The following KCNN2 variants were observed in gnomAD, a reference collection of about 807,000 sequenced individuals.
KCNN2 encodes the protein potassium calcium-activated channel subfamily N member 2.
In KCNN2, 24 loss-of-function variants were observed where a neutral mutation model predicts 55.5. That is an observed-to-expected ratio of 0.43 (90% CI 0.31 to 0.61). KCNN2 has a LOEUF of 0.61. Among genes scored for constraint, KCNN2 ranks in the 20% least tolerant of loss-of-function variants. KCNN2 has a pLI of 0.08. For missense variants in KCNN2, 754 were observed against 853.6 expected, an observed-to-expected ratio of 0.88 and a Z score of 1.45; for synonymous variants, 431 against 336.1, an observed-to-expected ratio of 1.28 and a Z score of -3.09.
chr5:114,295,177 C>G (rs989336624), intron 2 of KCNN2, among the ~76,000 whole-genome samples: 14 of 152,198 alleles, frequency 9.2e-5, no homozygotes, highest in Non-Finnish European at 1.9e-4. Context: ...GGCAGTCTGC[C>G]CATTCTCAGA....
chr5:114,139,473 C>T (rs11741901), intron 1 of KCNN2, among the ~76,000 whole-genome samples: 4 of 140,286 alleles, frequency 2.9e-5, no homozygotes, highest in African/African-American at 7.6e-5. Flanking sequence ...CCCCCACACA[C>T]ACACACCAGA....
Position 114,481,994 on chromosome 5 carries a change from T to C in KCNN2, c.1891-5056T>C, listed in dbSNP as rs186500749. Among the ~76,000 whole-genome samples, 216 of 152,112 alleles carry C rather than the reference T, an allele frequency of 1.4e-3. 1 individual carries two copies. Among genetic ancestry groups the C allele is most frequent in the African/African-American group, 4.9e-3 (203 of 41,510 alleles). ...ACGGGCAAAGATTTTATGACAGAAA[T>C]GCCAAAAGCAATTGCAACAAGCAAA... On this transcript the variant is annotated intron_variant, in intron 5 of 7. Transcript: ENST00000673685.
chr5:114,373,463 C>T (rs1411304530), intron 2 of KCNN2, among the ~76,000 whole-genome samples: 1 of 150,356 alleles, frequency 6.7e-6, no homozygotes, highest in Non-Finnish European at 1.5e-5. Flanking sequence ...ATAGGACTCT[C>T]CTTTGTGTTG....
chr5:114,490,643 GTTTCT>G (rs1747800644), intron 6 of KCNN2: 2 of 397,952 alleles, frequency 5.0e-6, no homozygotes, highest in Non-Finnish European at 8.9e-6. Context: ...ATATTTTACA[GTTTCT>G]TTTCTTTTGT....
chr5:114,144,038 G>A (rs912839415), intron 1 of KCNN2, among the ~76,000 whole-genome samples: 1 of 152,154 alleles, frequency 6.6e-6, no homozygotes, highest in African/African-American at 2.4e-5. Flanking sequence ...CAGATATACT[G>A]TCTAAAACTT....
At chr5:114,401,640 C>A (rs1003381892) in intron 2 of KCNN2, among the ~76,000 whole-genome samples, 2 of 152,100 alleles carry the variant, frequency 1.3e-5, no homozygotes, top group African/African-American at 4.8e-5. Flanking sequence ...GAGGGAGTTT[C>A]CAGATTTTTA....
intron 2 of KCNN2, among the ~76,000 whole-genome samples, chr5:114,375,974 A>ATATATATATATATATG (rs1757920729): frequency 2.2e-5 from 3 of 139,238 alleles, no homozygotes; most frequent in Non-Finnish European, 3.2e-5. Context: ...ATATATATAT[A>ATATATATATATATATG]TATGTATTTT....
intron 3 of KCNN2, among the ~76,000 whole-genome samples, chr5:114,444,689 C>T (rs149285339): frequency 5.3e-5 from 8 of 152,136 alleles, no homozygotes; most frequent in Non-Finnish European, 8.8e-5. Context: ...TCTTAACAGA[C>T]GAAAGGAATA....
intron 2 of KCNN2, among the ~76,000 whole-genome samples, chr5:114,288,747 A>T (rs915923883): frequency 6.6e-5 from 10 of 152,120 alleles, no homozygotes; most frequent in African/African-American, 1.7e-4. Flanking sequence ...AAGTATCTTT[A>T]TATTCTAGAG....
chr5:114,221,558 C>G (rs1465850665), exon 2 of KCNN2, among the ~76,000 whole-genome samples: 6 of 152,024 alleles, frequency 3.9e-5, no homozygotes, highest in African/African-American at 1.4e-4. Context: ...GGGATATAAG[C>G]AATAACAGTG....
At chr5:114,439,072 C>G (rs1760117700) in intron 3 of KCNN2, among the ~76,000 whole-genome samples, 1 of 152,138 alleles carries the variant, frequency 6.6e-6, no homozygotes, top group East Asian at 1.9e-4. Context: ...TCTGAAATTT[C>G]ATATTCAGTA....
intron 2 of KCNN2, among the ~76,000 whole-genome samples, chr5:114,261,705 G>A (rs1329298187): frequency 6.6e-6 from 1 of 152,170 alleles, no homozygotes; most frequent in Non-Finnish European, 1.5e-5. Context: ...TATTGCCAAA[G>A]GCTGTCTACA....
intron 1 of KCNN2, among the ~76,000 whole-genome samples, chr5:114,097,771 G>T (rs755298968): frequency 1.3e-5 from 2 of 152,094 alleles, no homozygotes; most frequent in Non-Finnish European, 2.9e-5. Flanking sequence ...GCTCCCCCTA[G>T]ATTTATCAAG....
chr5:114,384,718 A>G lies in KCNN2; in HGVS notation c.1219-19720A>G, dbSNP rs1444139370. Among the ~76,000 whole-genome samples the G allele has an allele frequency of 2.0e-5, 3 of 152,254 alleles. No homozygotes were observed. In the East Asian group the frequency reaches 5.8e-4, roughly 29 times the overall value. ...GGTTTTTTCTCAGATGCCAGCCCCT[A>G]TTAATTGGTTGTGACTGGCTGGAGC... On this transcript the variant is annotated intron_variant, in intron 2 of 7. Coordinates refer to ENST00000673685, the MANE Select transcript of KCNN2 (RefSeq NM_021614.4).
At chr5:114,465,004 G>A (rs147054276) in intron 4 of KCNN2, among the ~76,000 whole-genome samples, 23 of 152,224 alleles carry the variant, frequency 1.5e-4, no homozygotes, top group African/African-American at 5.1e-4. Context: ...AGTAATTGCA[G>A]AGTCTTTCCC....
At chr5:114,211,793 A>C (rs998535049) in intron 1 of KCNN2, among the ~76,000 whole-genome samples, 4 of 152,056 alleles carry the variant, frequency 2.6e-5, no homozygotes, top group Non-Finnish European at 2.9e-5. Flanking sequence ...AAGGTTGCAT[A>C]TACCTTATTT....
At chr5:114,263,277 A>T (rs1230513040) in intron 2 of KCNN2, among the ~76,000 whole-genome samples, 5 of 152,198 alleles carry the variant, frequency 3.3e-5, no homozygotes, top group Admixed American at 3.3e-4. Flanking sequence ...AACCTGAGAG[A>T]CATTCCATGT....
chr5:114,352,118 C>T (rs1757216104), intron 2 of KCNN2, among the ~76,000 whole-genome samples: 1 of 151,540 alleles, frequency 6.6e-6, no homozygotes, highest in African/African-American at 2.4e-5. Flanking sequence ...TTGTACAGGC[C>T]CATTCAAATT....
At chr5:114,403,483 C>A (rs1382901205) in intron 2 of KCNN2, among the ~76,000 whole-genome samples, 2 of 152,162 alleles carry the variant, frequency 1.3e-5, no homozygotes, top group Non-Finnish European at 2.9e-5. Flanking sequence ...GTGGGACTCT[C>A]AGCATTGAAG....
Sources: allele counts gnomAD v4.1 joint callset (sites outside exome capture counted in the v4.1 genomes callset), GRCh38; gene constraint gnomAD v4.1.1; transcripts MANE v1.5; gene names NCBI Gene and HGNC (gene_info 2026-07-23, HGNC 2026-07-21).